The following SGCD variants were observed in gnomAD, a reference collection of about 807,000 sequenced individuals.
The protein encoded by SGCD is delta-sarcoglycan.
SGCD carries 18 observed loss-of-function variants against 36.6 expected under a neutral mutation model. The ratio of observed to expected loss-of-function variants is 0.49; its 90% CI spans 0.34 to 0.73. The LOEUF (loss-of-function observed/expected upper bound fraction) is 0.73. Ranked by LOEUF, SGCD falls within the 30% of genes least tolerant of loss-of-function variation. The pLI is 0.01. For missense variants in SGCD, 387 were observed against 346.7 expected (o/e 1.12, Z -0.92); for synonymous variants, 133 against 130.6 (o/e 1.02, Z -0.12).
chr5:155,747,763 C>T, the SGCD span, among the ~76,000 whole-genome samples: 1 of 152,158 alleles, frequency 6.6e-6, no homozygotes, highest in Non-Finnish European at 1.5e-5. Context: ...GTTTTCCTAG[C>T]TCCTGATGCT....
intron 3 of SGCD, among the ~76,000 whole-genome samples, chr5:156,503,109 T>G (rs1283201659): frequency 6.6e-6 from 1 of 152,244 alleles, no homozygotes; most frequent in Non-Finnish European, 1.5e-5. Flanking sequence ...ATTAAATTAC[T>G]TATTGCAAAA....
chr5:155,858,923 T>C, the SGCD span, among the ~76,000 whole-genome samples: 1 of 129,730 alleles, frequency 7.7e-6, no homozygotes, highest in Non-Finnish European at 1.6e-5. Context: ...GAATGTGTTA[T>C]GGTTCTTAGG....
chr5:156,133,795 T>C (rs1219053088), intron 3 of SGCD, among the ~76,000 whole-genome samples: 2 of 152,158 alleles, frequency 1.3e-5, no homozygotes, highest in Admixed American at 6.5e-5. Context: ...GCATTATGTT[T>C]TGCAGTCTGT....
At chr5:156,209,812 A>C (rs569513577) in intron 3 of SGCD, among the ~76,000 whole-genome samples, 19 of 152,022 alleles carry the variant, frequency 1.2e-4, no homozygotes, top group Non-Finnish European at 2.1e-4. Context: ...ATCTCTGTAA[A>C]CTGAGGCCCC....
At chr5:155,764,327 G>A in the SGCD span, among the ~76,000 whole-genome samples, 10 of 152,050 alleles carry the variant, frequency 6.6e-5, no homozygotes, top group Admixed American at 2.0e-4. Context: ...AACAAAAAAC[G>A]TCCCCAAACA....
chr5:156,169,342 T>C (rs1027943715), intron 3 of SGCD, among the ~76,000 whole-genome samples: 1 of 152,234 alleles, frequency 6.6e-6, no homozygotes, highest in Non-Finnish European at 1.5e-5. Flanking sequence ...CTCACTTATA[T>C]AACCACACAT....
At chr5:155,745,466 C>CT in the SGCD span, among the ~76,000 whole-genome samples, 1 of 152,106 alleles carries the variant, frequency 6.6e-6, no homozygotes, top group African/African-American at 2.4e-5. Context: ...CTATTTCTCT[C>CT]TTTTTTTCCT....
the SGCD span, among the ~76,000 whole-genome samples, chr5:155,809,642 CAAAGAG>C: frequency 6.6e-6 from 1 of 151,648 alleles, no homozygotes. Flanking sequence ...GGAAAAAGAG[CAAAGAG>C]AAAGAGAAAG....
Position 156,600,140 on chromosome 5 carries a change from G to A in SGCD, c.502+5089G>A, listed in dbSNP as rs761330367. On this transcript the variant is annotated intron_variant, in intron 6 of 8. Transcript: ENST00000337851. ...AGTTAGCATATTCAACACCTTGTGC[G>A]TTTATCATTTCTTTTTGATGACAAC... 1.2e-4 allele frequency among the ~76,000 whole-genome samples: 18 copies of A among 152,208 alleles called. 1 individual carries two copies. Among genetic ancestry groups the A allele is most frequent in the African/African-American group, 4.1e-4 (17 of 41,528 alleles).
intron 3 of SGCD, among the ~76,000 whole-genome samples, chr5:156,130,451 T>C (rs1762291556): frequency 6.6e-6 from 1 of 152,200 alleles, no homozygotes; most frequent in Admixed American, 6.5e-5. Context: ...CTGTTGAAAG[T>C]TACTTTTTAT....
intron 7 of SGCD, among the ~76,000 whole-genome samples, chr5:156,653,807 A>G (rs1012062534): frequency 6.6e-6 from 1 of 152,032 alleles, no homozygotes; most frequent in Non-Finnish European, 1.5e-5. Flanking sequence ...TGACTTTAGC[A>G]CTGGGCCAGT....
intron 1 of SGCD, among the ~76,000 whole-genome samples, chr5:155,874,541 T>G (rs1440307916): frequency 1.3e-5 from 2 of 152,024 alleles, no homozygotes; most frequent in Non-Finnish European, 1.5e-5. Context: ...CAGGCTATAT[T>G]AAAAAAGAGA....
rs1398208946 is a variant in SGCD at position 156,060,613 on chromosome 5, C to A, written c.-281-57265C>A. Among the ~76,000 whole-genome samples, 3 of 145,238 alleles carry A rather than the reference C, an allele frequency of 2.1e-5. No individual in the cohort carries two copies. The East Asian group carries it at 5.8e-4, about 28-fold the overall frequency. On this transcript the variant is annotated intron_variant, in intron 1 of 9. Transcript: ENST00000517913. ...AGAAATTTATGTACCTTCATCAATG[C>A]TGGAATATATGTTGTTTTGTTGCAT...
chr5:156,118,394 G>C (rs1469472790), intron 2 of SGCD, among the ~76,000 whole-genome samples: 2 of 152,120 alleles, frequency 1.3e-5, no homozygotes, highest in Admixed American at 1.3e-4. Flanking sequence ...AATTTCTTAA[G>C]GCAAAGGGGG....
intron 1 of SGCD, among the ~76,000 whole-genome samples, chr5:155,921,848 G>T (rs1363992832): frequency 6.6e-6 from 1 of 152,176 alleles, no homozygotes; most frequent in East Asian, 1.9e-4. Flanking sequence ...GCATTAAAAG[G>T]CTGTAATAAG....
chr5:156,574,458 T>C (rs1300302827), intron 4 of SGCD, among the ~76,000 whole-genome samples: 2 of 152,194 alleles, frequency 1.3e-5, no homozygotes, highest in Admixed American at 6.5e-5. Flanking sequence ...TATCCCCATT[T>C]TCTAGCTAAA....
At chr5:156,554,028 G>T (rs1758901370) in intron 4 of SGCD, among the ~76,000 whole-genome samples, 1 of 152,160 alleles carries the variant, frequency 6.6e-6, no homozygotes, top group African/African-American at 2.4e-5. Flanking sequence ...CTCATGGTCA[G>T]CAGAGGTCTG....
At chr5:156,574,665 A>G (rs570367650) in intron 4 of SGCD, among the ~76,000 whole-genome samples, 1 of 151,914 alleles carries the variant, frequency 6.6e-6, no homozygotes, top group East Asian at 1.9e-4. Context: ...AAGAGGTCAT[A>G]CCTCCTTCAA....
At chr5:156,108,504 T>C (rs1247737102) in intron 1 of SGCD, among the ~76,000 whole-genome samples, 1 of 152,146 alleles carries the variant, frequency 6.6e-6, no homozygotes, top group East Asian at 1.9e-4. Context: ...TAAATAAGTA[T>C]AATCTGTTAT....
Sources: gnomAD v4.1 joint callset for allele counts (sites outside exome capture counted in the v4.1 genomes callset) on GRCh38, gnomAD v4.1.1 for gene constraint, MANE v1.5 for transcripts, NCBI Gene and HGNC (gene_info 2026-07-23, HGNC 2026-07-21) for gene names.